Variants in AGMO observed in about 807,000 individuals in gnomAD.
The protein encoded by AGMO is glyceryl-ether monooxygenase.
In AGMO, 75 loss-of-function variants were observed where a neutral mutation model predicts 60.2. The ratio of observed to expected loss-of-function variants is 1.25; its 90% CI spans 1.03 to 1.51. AGMO has a LOEUF of 1.51. Ranked by LOEUF, AGMO falls within the 40% of genes most tolerant of loss-of-function variation. AGMO has a pLI of 0.00. For missense variants in AGMO, 763 were observed against 525.5 expected (o/e 1.45, Z -4.42); for synonymous variants, 261 against 177.1 (o/e 1.47, Z -3.76).
At chr7:15,495,429 C>CTTAGAA (rs1783195123) in intron 3 of AGMO, among the ~76,000 whole-genome samples, 1 of 152,134 alleles carries the variant, frequency 6.6e-6, no homozygotes, top group East Asian at 1.9e-4. Context: ...AGTACTGTTG[C>CTTAGAA]TTAGAATTAC....
intron 12 of AGMO, among the ~76,000 whole-genome samples, chr7:15,252,230 C>A (rs554901399): frequency 6.6e-6 from 1 of 152,264 alleles, no homozygotes; most frequent in South Asian, 2.1e-4. Flanking sequence ...AGAGAAGGAT[C>A]AGAAGGGTTA....
At chr7:15,161,526 T>C in the AGMO span, among the ~76,000 whole-genome samples, 3 of 151,610 alleles carry the variant, frequency 2.0e-5, no homozygotes, top group African/African-American at 7.3e-5. Context: ...TTAATGCATA[T>C]ATGGATCATA....
At chr7:15,441,589 A>C (rs975512363) in intron 3 of AGMO, among the ~76,000 whole-genome samples, 3 of 152,212 alleles carry the variant, frequency 2.0e-5, no homozygotes, top group Middle Eastern at 3.4e-3. Flanking sequence ...GGCAGAAATC[A>C]TGGGAGAACT....
chr7:15,376,278 C>G (rs537023285), intron 10 of AGMO, among the ~76,000 whole-genome samples: 5 of 151,952 alleles, frequency 3.3e-5, no homozygotes, highest in Admixed American at 6.6e-5. Flanking sequence ...AAACAGTATA[C>G]CCTGGACATT....
chr7:15,118,959 C>T, the AGMO span, among the ~76,000 whole-genome samples: 98 of 128,650 alleles, frequency 7.6e-4, no homozygotes, highest in African/African-American at 2.6e-3. Context: ...TGCAGTGGCA[C>T]GATAGAAAAC....
chr7:15,341,913 G>A (rs1781861165), intron 12 of AGMO, among the ~76,000 whole-genome samples: 1 of 151,888 alleles, frequency 6.6e-6, no homozygotes, highest in Non-Finnish European at 1.5e-5. Context: ...AACAGCATGG[G>A]AAAATCTGCT....
At chr7:15,514,896 G>A (rs1783769807) in intron 3 of AGMO, among the ~76,000 whole-genome samples, 1 of 152,190 alleles carries the variant, frequency 6.6e-6, no homozygotes, top group Non-Finnish European at 1.5e-5. Context: ...ACACAAATAA[G>A]GGAAGGAGAG....
intron 12 of AGMO, among the ~76,000 whole-genome samples, chr7:15,324,084 G>A (rs746112134): frequency 5.9e-5 from 9 of 152,140 alleles, no homozygotes; most frequent in Non-Finnish European, 7.4e-5. Flanking sequence ...AGATACAAGC[G>A]TAGTAAAAAT....
chr7:15,395,581 T>C (rs913961827), intron 5 of AGMO, among the ~76,000 whole-genome samples: 10 of 152,140 alleles, frequency 6.6e-5, no homozygotes, highest in African/African-American at 2.4e-4. Flanking sequence ...ATCCAGATTA[T>C]GCTACGAAAT....
At chr7:15,362,713 C>T (rs985992846) in intron 12 of AGMO, among the ~76,000 whole-genome samples, 1 of 152,128 alleles carries the variant, frequency 6.6e-6, no homozygotes, top group Non-Finnish European at 1.5e-5. Context: ...GTCCTCTTTT[C>T]CTTGGATCAT....
At chr7:15,294,178 G>A (rs375570524) in intron 12 of AGMO, among the ~76,000 whole-genome samples, 4 of 151,800 alleles carry the variant, frequency 2.6e-5, no homozygotes, top group East Asian at 1.9e-4. Context: ...AAACAGAGTC[G>A]GCATTTAATC....
intron 4 of AGMO, among the ~76,000 whole-genome samples, chr7:15,418,904 G>A (rs1780854770): frequency 6.6e-6 from 1 of 151,700 alleles, no homozygotes; most frequent in South Asian, 2.1e-4. Context: ...TATATGTTGT[G>A]TGTTATTTCC....
intron 12 of AGMO, among the ~76,000 whole-genome samples, chr7:15,325,027 C>T (rs1583409998): frequency 6.6e-6 from 1 of 152,180 alleles, no homozygotes; most frequent in East Asian, 1.9e-4. Flanking sequence ...TTAAAAAATT[C>T]AAATACCTAA....
intron 12 of AGMO, among the ~76,000 whole-genome samples, chr7:15,224,711 A>C (rs1261525364): frequency 1.3e-5 from 2 of 152,038 alleles, no homozygotes; most frequent in East Asian, 3.9e-4. Context: ...TTGTTTGAGC[A>C]CCAACCACTT....
chr7:15,261,202 G>A (rs1368458029), intron 12 of AGMO, among the ~76,000 whole-genome samples: 1 of 151,850 alleles, frequency 6.6e-6, no homozygotes, highest in East Asian at 1.9e-4. Context: ...AAATACAAAA[G>A]ATAAATTAAA....
At chr7:15,352,953 G>T (rs79484070) in intron 12 of AGMO, among the ~76,000 whole-genome samples, 5,555 of 152,016 alleles carry the variant, frequency 0.037, 122 homozygotes, top group South Asian at 0.058. Flanking sequence ...CAAACGCAGC[G>T]GCCATCTTGT....
intron 12 of AGMO, among the ~76,000 whole-genome samples, chr7:15,301,018 A>G (rs1360788299): frequency 6.6e-6 from 1 of 152,204 alleles, no homozygotes. Context: ...ACTGGAGAAC[A>G]TAAGAAAACA....
chr7:15,453,154 G>A (rs1781898611), intron 3 of AGMO, among the ~76,000 whole-genome samples: 1 of 152,122 alleles, frequency 6.6e-6, no homozygotes, highest in South Asian at 2.1e-4. Flanking sequence ...AGTAGAGATG[G>A]TGGCACAACC....
At chr7:15,313,670 C>T (rs1336262721) in intron 12 of AGMO, among the ~76,000 whole-genome samples, 2 of 152,104 alleles carry the variant, frequency 1.3e-5, no homozygotes, top group African/African-American at 4.8e-5. Flanking sequence ...CCCTTATCTA[C>T]AGGAAGTTTC....
Sources: allele counts gnomAD v4.1 joint callset (sites outside exome capture counted in the v4.1 genomes callset), GRCh38; gene constraint gnomAD v4.1.1; transcripts MANE v1.5; gene names NCBI Gene and HGNC (gene_info 2026-07-23, HGNC 2026-07-21).